Variants in SRGAP2B observed in about 807,000 individuals in gnomAD.
SRGAP2B encodes SLIT-ROBO Rho GTPase activating protein 2B, also known as SLIT-ROBO Rho GTPase-activating protein 2B.
A neutral mutation model predicts 22.2 loss-of-function variants in SRGAP2B; 9 were observed. The ratio of observed to expected loss-of-function variants is 0.41; its 90% CI spans 0.24 to 0.71. The LOEUF (loss-of-function observed/expected upper bound fraction) is 0.71. Ranked by LOEUF, SRGAP2B falls within the 30% of genes least tolerant of loss-of-function variation. The pLI, the probability that SRGAP2B is intolerant of heterozygous loss-of-function variation, is 0.35. For missense variants in SRGAP2B, 114 were observed against 235.8 expected, an observed-to-expected ratio of 0.48 and a Z score of 3.38; for synonymous variants, 36 against 87.4, an observed-to-expected ratio of 0.41 and a Z score of 3.28.
At chr1:144,969,781 C>T (rs1225328352) in intron 3 of SRGAP2B, among the ~76,000 whole-genome samples, 1 of 150,644 alleles carries the variant, frequency 6.6e-6, no homozygotes, top group African/African-American at 2.5e-5. Flanking sequence ...CTACAATGAA[C>T]TCAAACAAAT....
At position 145,006,652 on chromosome 1, in the gene SRGAP2B, G is replaced by A. The variant is rs1437612444; in HGVS notation, c.68-11452C>T. 7.3e-5 allele frequency among the ~76,000 whole-genome samples: 11 copies of A among 150,750 alleles called. 4 individuals are homozygous for A. The highest frequency in any genetic ancestry group is 2.7e-4 in the African/African-American group (11 of 40,258). ...TTCAACAACTCAATATACATGTGAA[G>A]TGACTGGTTTGTTATAAGAACTGAT... On this transcript the variant is annotated intron_variant, in intron 2 of 9. Coordinates refer to ENST00000612199, the Ensembl canonical transcript of SRGAP2B.
chr1:144,965,511 A>C (rs1668016040), intron 3 of SRGAP2B, among the ~76,000 whole-genome samples: 1 of 145,796 alleles, frequency 6.9e-6, no homozygotes, highest in South Asian at 2.1e-4. Flanking sequence ...ATCAAAGACC[A>C]AAAGTAGAGA....
rs1440252092 is a variant in SRGAP2B at position 145,082,206 on chromosome 1, T to C, written c.67+10629A>G. The stretch of plus-strand genomic sequence containing the variant: ...AATACATATTTCAAGTTCAGAACCA[T>C]TCATTCACAACGTATAAATAAGGTC... On this transcript the variant is annotated intron_variant, in intron 2 of 9. Transcript: ENST00000612199. Among the ~76,000 whole-genome samples the C allele has an allele frequency of 4.7e-5, 7 of 147,386 alleles. 1 individual carries two copies. Among genetic ancestry groups the C allele is most frequent in the Non-Finnish European group, 1.0e-4 (7 of 67,750 alleles).
chr1:144,984,594 G>A (rs1307821569), intron 3 of SRGAP2B, among the ~76,000 whole-genome samples: 4 of 149,732 alleles, frequency 2.7e-5, no homozygotes, highest in African/African-American at 5.1e-5. Flanking sequence ...TGGGTATCTG[G>A]CATGTGTCTG....
At chr1:144,964,002 G>GA (rs1324435289) in intron 3 of SRGAP2B, among the ~76,000 whole-genome samples, 9 of 150,112 alleles carry the variant, frequency 6.0e-5, no homozygotes, top group African/African-American at 1.5e-4. Flanking sequence ...GAAAAGGAGG[G>GA]AAAAAAAATA....
At position 144,984,068 on chromosome 1, in the gene SRGAP2B, C is replaced by T. The variant is rs1468872257; in HGVS notation, c.260+10940G>A. On this transcript the variant is annotated intron_variant, in intron 3 of 9. Coordinates refer to ENST00000612199, the Ensembl canonical transcript of SRGAP2B. ...GGGCACAGAGGCTTATGCCTGTAAT[C>T]CCAGCACTTTGGGAGGCCAAGGTGT... Among the ~76,000 whole-genome samples, 4 of 150,688 alleles carry T rather than the reference C, an allele frequency of 2.7e-5. 1 individual carries two copies. Among genetic ancestry groups the T allele is most frequent in the African/African-American group, 1.0e-4 (4 of 40,194 alleles).
Position 144,950,852 on chromosome 1 carries a change from CTCTT to C in SRGAP2B, c.423+4583_423+4586del, listed in dbSNP as rs1481817525. Among the ~76,000 whole-genome samples the C allele has an allele frequency of 2.7e-5, 4 of 150,724 alleles. 1 individual carries two copies. The highest frequency in any genetic ancestry group is 9.9e-5 in the African/African-American group (4 of 40,258). ...TTCGTTTTTCTTAATCTCTCTCTCT[CTCTT>C]CTTTTTTTCTGAGACGAAGTCTTGC... On this transcript the variant is annotated intron_variant, in intron 4 of 9. Transcript: ENST00000612199.
chr1:144,932,137 C>T lies in SRGAP2B; in HGVS notation c.424-17383G>A, dbSNP rs1415716809. On this transcript the variant is annotated intron_variant, in intron 4 of 9. Transcript: ENST00000612199. Reference sequence around the variant, plus strand: ...TCAAAGAATTGCTTGCTGTAGTTATCGCAAAAAGAAAACAACAACAGGCCT... The same window carrying T: ...TCAAAGAATTGCTTGCTGTAGTTATTGCAAAAAGAAAACAACAACAGGCCT... Among the ~76,000 whole-genome samples, 6 of 148,230 alleles carry T rather than the reference C, an allele frequency of 4.0e-5. No individual in the cohort carries two copies. The East Asian group carries it at 6.0e-4, about 15-fold the overall frequency.
At chr1:144,964,075 G>A (rs1275813223) in intron 3 of SRGAP2B, among the ~76,000 whole-genome samples, 7 of 149,038 alleles carry the variant, frequency 4.7e-5, no homozygotes, top group African/African-American at 1.8e-4. Context: ...TCATCAGATT[G>A]GCTGCATGTG....
At chr1:145,013,036 T>A (rs587767477) in intron 2 of SRGAP2B, among the ~76,000 whole-genome samples, 13 of 150,316 alleles carry the variant, frequency 8.6e-5, no homozygotes, top group Non-Finnish European at 1.9e-4. Context: ...TGAGCCGAGA[T>A]CACACCGCTG....
exon 10 of SRGAP2B, chr1:144,889,014 A>C (rs1465846337): frequency 6.3e-5 from 9 of 142,658 alleles, no homozygotes; most frequent in Non-Finnish European, 1.1e-4. Flanking sequence ...GAGTGCAGTG[A>C]CACGATCTTG....
At chr1:144,964,206 A>ACAGGGTAT (rs1280083970) in intron 3 of SRGAP2B, among the ~76,000 whole-genome samples, 1 of 147,852 alleles carries the variant, frequency 6.8e-6, no homozygotes, top group East Asian at 1.9e-4. Context: ...TCTCTTGAGG[A>ACAGGGTAT]CAGGGTATAT....
chr1:144,922,963 T>G (rs1200999313), intron 4 of SRGAP2B, among the ~76,000 whole-genome samples: 1 of 151,280 alleles, frequency 6.6e-6, no homozygotes, highest in East Asian at 1.9e-4. Flanking sequence ...GATGTGAACT[T>G]CGTGGACTCA....
intron 2 of SRGAP2B, among the ~76,000 whole-genome samples, chr1:145,015,131 C>T (rs1480187409): frequency 3.6e-5 from 5 of 137,352 alleles, no homozygotes; most frequent in African/African-American, 1.1e-4. Flanking sequence ...GGCTGGAGTA[C>T]AGTGGCATGA....
chr1:144,994,560 G>GTC (rs1670515089), intron 3 of SRGAP2B, among the ~76,000 whole-genome samples: 1 of 34,356 alleles, frequency 2.9e-5, no homozygotes, highest in Non-Finnish European at 6.0e-5. Flanking sequence ...GAGTGTGTGT[G>GTC]TGTGTGTGAG....
intron 2 of SRGAP2B, among the ~76,000 whole-genome samples, chr1:145,039,631 G>A (rs1243079921): frequency 9.8e-5 from 3 of 30,694 alleles, no homozygotes; most frequent in Admixed American, 4.5e-4. Context: ...CAGAGGAACA[G>A]ATAAGGCAAG....
intron 1 of SRGAP2B, among the ~76,000 whole-genome samples, chr1:145,093,993 C>T (rs1654220506): frequency 6.7e-6 from 1 of 148,238 alleles, no homozygotes; most frequent in Admixed American, 6.7e-5. Flanking sequence ...GCCTGCTCGG[C>T]ACGGGACACA....
chr1:145,023,138 G>A (rs1362894319), intron 2 of SRGAP2B, among the ~76,000 whole-genome samples: 3 of 145,560 alleles, frequency 2.1e-5, no homozygotes, highest in Non-Finnish European at 4.5e-5. Context: ...CTGCACTCCA[G>A]CCTGGTGACA....
intron 2 of SRGAP2B, among the ~76,000 whole-genome samples, chr1:145,070,089 G>A (rs608688): frequency 4.0e-5 from 6 of 149,602 alleles, no homozygotes; most frequent in African/African-American, 1.5e-4. Context: ...GAACCAGCAT[G>A]CATATGTCAT....
Sources: allele counts gnomAD v4.1 joint callset (sites outside exome capture counted in the v4.1 genomes callset), GRCh38; gene constraint gnomAD v4.1.1; transcripts MANE v1.5; gene names NCBI Gene and HGNC (gene_info 2026-07-23, HGNC 2026-07-21).